The following AGBL1 variants were observed in gnomAD, a reference collection of about 807,000 sequenced individuals.
AGBL1 encodes the protein AGBL carboxypeptidase 1, also known as cytosolic carboxypeptidase 4.
AGBL1 carries 130 observed loss-of-function variants against 118.9 expected under a neutral mutation model. The ratio of observed to expected loss-of-function variants is 1.09; its 90% CI spans 0.95 to 1.26. The LOEUF is 1.26. Ranked by LOEUF, AGBL1 falls within the 50% of genes most tolerant of loss-of-function variation. The pLI, the probability that AGBL1 is intolerant of heterozygous loss-of-function variation, is 0.00. For missense variants in AGBL1, 1,584 were observed against 1,298.1 expected (o/e 1.22, Z -3.38); for synonymous variants, 555 against 478.9 (o/e 1.16, Z -2.08).
intron 22 of AGBL1, among the ~76,000 whole-genome samples, chr15:86,825,989 A>G (rs914859302): frequency 6.6e-6 from 1 of 151,692 alleles, no homozygotes; most frequent in African/African-American, 2.4e-5. Flanking sequence ...TAATACAGAG[A>G]GATTCCAGGT....
At chr15:86,761,083 A>AT (rs1353412548) in intron 22 of AGBL1, among the ~76,000 whole-genome samples, 1 of 151,982 alleles carries the variant, frequency 6.6e-6, no homozygotes, top group East Asian at 1.9e-4. Flanking sequence ...ACACAAAGGG[A>AT]TTTTAGGAGC....
chr15:86,134,041 C>T (rs532098812), intron 1 of AGBL1, among the ~76,000 whole-genome samples: 34 of 152,274 alleles, frequency 2.2e-4, no homozygotes, highest in Non-Finnish European at 4.0e-4. Context: ...CTCATTTCAA[C>T]CTCTCCAGGA....
intron 22 of AGBL1, among the ~76,000 whole-genome samples, chr15:86,756,240 GC>G (rs1325695943): frequency 6.6e-6 from 1 of 150,648 alleles, no homozygotes; most frequent in Non-Finnish European, 1.5e-5. Context: ...TAGTGCCCCC[GC>G]CCCCACCAAA....
chr15:86,216,961 A>C (rs1239180130), intron 5 of AGBL1, among the ~76,000 whole-genome samples: 2 of 152,154 alleles, frequency 1.3e-5, no homozygotes, highest in Non-Finnish European at 2.9e-5. Flanking sequence ...AGCTCAGCAG[A>C]TGCTTCTCCT....
chr15:86,686,630 G>C (rs1306983599), intron 22 of AGBL1, among the ~76,000 whole-genome samples: 5 of 151,830 alleles, frequency 3.3e-5, no homozygotes, highest in Admixed American at 3.3e-4. Flanking sequence ...GTAGATACAA[G>C]GTTTCACCAT....
At chr15:86,869,682 T>C (rs1426493651) in intron 22 of AGBL1, among the ~76,000 whole-genome samples, 2 of 152,086 alleles carry the variant, frequency 1.3e-5, no homozygotes, top group East Asian at 1.9e-4. Flanking sequence ...ATAGTAATGA[T>C]AAAATAACAA....
intron 24 of AGBL1, among the ~76,000 whole-genome samples, chr15:87,024,289 C>T (rs2081701274): frequency 6.6e-6 from 1 of 151,812 alleles, no homozygotes. Context: ...AGAAATAAAA[C>T]AGGAGATATT....
intron 19 of AGBL1, among the ~76,000 whole-genome samples, chr15:86,542,122 A>G (rs2083507019): frequency 6.6e-6 from 1 of 152,210 alleles, no homozygotes; most frequent in Non-Finnish European, 1.5e-5. Context: ...GTGCTCAACA[A>G]TAGTCTACAT....
chr15:86,108,955 T>TCAAA (rs972240932), intron 1 of AGBL1, among the ~76,000 whole-genome samples: 2 of 152,096 alleles, frequency 1.3e-5, no homozygotes, highest in South Asian at 2.1e-4. Flanking sequence ...AGACTCCATC[T>TCAAA]CAAACAAACA....
At chr15:86,138,540 T>C (rs2076919533) in intron 1 of AGBL1, among the ~76,000 whole-genome samples, 1 of 152,232 alleles carries the variant, frequency 6.6e-6, no homozygotes, top group Non-Finnish European at 1.5e-5. Context: ...AGTGCCCAGC[T>C]TGGTGGCTGG....
At chr15:86,872,340 T>G (rs2079741714) in intron 22 of AGBL1, among the ~76,000 whole-genome samples, 1 of 152,212 alleles carries the variant, frequency 6.6e-6, no homozygotes, top group African/African-American at 2.4e-5. Context: ...AATTTGAAAA[T>G]AGAAGCCCTG....
chr15:86,869,048 A>G (rs10520644), intron 22 of AGBL1, among the ~76,000 whole-genome samples: 16,157 of 152,236 alleles, frequency 0.11, 1,088 homozygotes, highest in Non-Finnish European at 0.15. Flanking sequence ...TAGGGCATTT[A>G]TATACTAGCT....
intron 21 of AGBL1, among the ~76,000 whole-genome samples, chr15:86,603,870 T>C (rs556252916): frequency 1.3e-5 from 2 of 152,300 alleles, no homozygotes; most frequent in African/African-American, 4.8e-5. Context: ...TTTTCTACTA[T>C]AGCCCCTGAG....
intron 17 of AGBL1, among the ~76,000 whole-genome samples, chr15:86,298,271 A>ATATATATC (rs1418263726): frequency 8.8e-6 from 1 of 114,148 alleles, no homozygotes; most frequent in African/African-American, 4.0e-5. Flanking sequence ...ATATATATAT[A>ATATATATC]TATATATATG....
intron 22 of AGBL1, among the ~76,000 whole-genome samples, chr15:86,906,820 C>T (rs978275967): frequency 2.0e-5 from 3 of 152,146 alleles, no homozygotes; most frequent in Non-Finnish European, 2.9e-5. Flanking sequence ...ACTTTCCCCC[C>T]CAAGCCTCAA....
At chr15:86,327,859 C>G (rs1028735180) in intron 17 of AGBL1, among the ~76,000 whole-genome samples, 5 of 152,146 alleles carry the variant, frequency 3.3e-5, no homozygotes, top group African/African-American at 1.2e-4. Flanking sequence ...TATGAGGAGG[C>G]TCAGCAATTG....
intron 23 of AGBL1, among the ~76,000 whole-genome samples, chr15:86,947,966 A>G (rs1345878098): frequency 1.3e-5 from 2 of 152,192 alleles, no homozygotes; most frequent in Non-Finnish European, 2.9e-5. Context: ...GTTTTTCTCT[A>G]CATCATCAAA....
intron 18 of AGBL1, among the ~76,000 whole-genome samples, chr15:86,511,224 G>A (rs538821736): frequency 8.6e-5 from 13 of 152,044 alleles, no homozygotes; most frequent in Non-Finnish European, 8.8e-5. Context: ...GATGTCAGAA[G>A]ATTTCTAAGG....
intron 17 of AGBL1, among the ~76,000 whole-genome samples, chr15:86,365,048 CATAT>C (rs1174072697): frequency 4.7e-5 from 6 of 127,110 alleles, no homozygotes; most frequent in African/African-American, 1.9e-4. Flanking sequence ...TATATACACA[CATAT>C]ATATACACAT....
Sources: allele counts gnomAD v4.1 joint callset (sites outside exome capture counted in the v4.1 genomes callset), GRCh38; gene constraint gnomAD v4.1.1; transcripts MANE v1.5; gene names NCBI Gene and HGNC (gene_info 2026-07-23, HGNC 2026-07-21).